The following GOSR2 variants were observed in gnomAD, a reference collection of about 807,000 sequenced individuals.
GOSR2 encodes golgi SNAP receptor complex member 2.
Under a neutral mutation model 27.9 loss-of-function variants are expected in GOSR2, and 20 were observed. The ratio of observed to expected loss-of-function variants is 0.72; its 90% CI spans 0.50 to 1.04. The LOEUF is 1.04. Among genes scored for constraint, GOSR2 ranks in the 50% least tolerant of loss-of-function variants. The probability of loss-of-function intolerance (pLI) is 0.00; values close to 1 mark genes in which losing one functional copy is unlikely to be tolerated. For missense variants in GOSR2, 261 were observed against 270.5 expected, an observed-to-expected ratio of 0.97 and a Z score of 0.25; for synonymous variants, 91 against 98.8, an observed-to-expected ratio of 0.92 and a Z score of 0.47.
chr17:46,969,809 T>C (rs1351136512), downstream of GOSR2, among the ~76,000 whole-genome samples: 1 of 152,170 alleles, frequency 6.6e-6, no homozygotes, highest in Admixed American at 6.5e-5. Flanking sequence ...TAGGAAGGCA[T>C]GAGGTCCCCC....
downstream of GOSR2, among the ~76,000 whole-genome samples, chr17:46,969,944 C>G (rs371237890): frequency 6.6e-6 from 1 of 152,120 alleles, no homozygotes; most frequent in African/African-American, 2.4e-5. Flanking sequence ...TGGTGATGTG[C>G]GGGGTGGGGG....
chr17:46,950,015 A>G (rs1248982643), intron 6 of GOSR2, among the ~76,000 whole-genome samples: 1 of 152,244 alleles, frequency 6.6e-6, no homozygotes, highest in Non-Finnish European at 1.5e-5. Flanking sequence ...AATTGGAGTG[A>G]GCAGTGTGTG....
Position 46,939,725 on chromosome 17 carries a change from C to T in GOSR2, c.*965C>T. 1.0e-6 allele frequency: 1 copy of T among 986,566 alleles called. No homozygotes were observed. Among genetic ancestry groups the T allele is most frequent in the Admixed American group, 6.1e-5 (1 of 16,494 alleles). 61.1% of individuals were successfully genotyped at this position (986,566 alleles called of 1,614,324 possible). On this transcript the variant is annotated 3_prime_UTR_variant, in exon 6 of 6. Coordinates refer to ENST00000640051, the MANE Select transcript of GOSR2 (RefSeq NM_004287.5). ...TGGGCAGATCCCACCGTGGAGACAT[C>T]TGTAGTGTGTATGTCCTTGTAACAC... is the stretch of plus-strand genomic sequence containing the variant.
intron 6 of GOSR2, among the ~76,000 whole-genome samples, chr17:46,960,648 A>G (rs1428196796): frequency 1.3e-5 from 2 of 152,252 alleles, no homozygotes; most frequent in Admixed American, 1.3e-4. Flanking sequence ...AAAACCTGTG[A>G]TACATCCATC....
chr17:46,957,348 C>CATG (rs1330574684), intron 6 of GOSR2, among the ~76,000 whole-genome samples: 6 of 152,192 alleles, frequency 3.9e-5, no homozygotes, highest in African/African-American at 1.2e-4. Flanking sequence ...CGCTGTGGCT[C>CATG]ACGCCTGTAT....
chr17:46,943,787 AAG>A (rs2089577992), downstream of GOSR2, among the ~76,000 whole-genome samples: 1 of 152,216 alleles, frequency 6.6e-6, no homozygotes, highest in African/African-American at 2.4e-5. Flanking sequence ...ACTGCAGTAA[AAG>A]AGGAGAGGCA....
At chr17:46,943,075 G>T (rs559271497), downstream of GOSR2, among the ~76,000 whole-genome samples, 5 of 152,326 alleles carry the variant, frequency 3.3e-5, no homozygotes, top group South Asian at 1.0e-3. Flanking sequence ...ATTGGGAGTT[G>T]CCCAAGGCGA....
chr17:46,936,890 G>A, intron 5 of GOSR2: 1 of 930,618 alleles, frequency 1.1e-6, no homozygotes, highest in Non-Finnish European at 1.3e-6. Flanking sequence ...TGTAGATTTT[G>A]GATTCCTGTC....
chr17:46,935,162 C>T lies in GOSR2; in HGVS notation c.470C>T (p.Thr157Ile). 1 of 1,614,044 alleles carries T rather than the reference C, an allele frequency of 6.2e-7. No homozygotes were observed. The highest frequency in any genetic ancestry group is 1.7e-4 in the Middle Eastern group (1 of 6,060). Residue 157 changes from threonine to isoleucine, a missense_variant, in exon 5 of 6, where the codon ACC (threonine) becomes ATC (isoleucine). Transcript: ENST00000640051. The part of the protein sequence containing the change: ...ILDGLRTQRL[T>I]LKGTQKKILD... ...GATGGACTGAGGACCCAGAGACTGA[C>T]CTTGAAGGTGGGGTCCCTGCTGGGG...
rs4968286 is a variant in GOSR2, at chr17:46,940,279, T to C, written c.*1519T>C. 0.48 allele frequency: 691,791 copies of C among 1,432,472 alleles called. 168,298 individuals carry two copies. Among genetic ancestry groups the C allele is most frequent in the East Asian group, 0.53 (21,262 of 39,932 alleles). 88.7% of individuals were successfully genotyped at this position (1,432,472 alleles called of 1,614,324 possible). On this transcript the variant is annotated 3_prime_UTR_variant, in exon 6 of 6. Coordinates refer to ENST00000640051, the MANE Select transcript of GOSR2 (RefSeq NM_004287.5). ...GGTTGGAGGAGATCTCCATTGTTCC[T>C]ACCCCTCCGGGCCAAATGGGCCCCA...
downstream of GOSR2, among the ~76,000 whole-genome samples, chr17:46,943,479 C>T (rs2089533356): frequency 6.6e-6 from 1 of 152,214 alleles, no homozygotes; most frequent in African/African-American, 2.4e-5. Flanking sequence ...CTCAGATGTG[C>T]CACAAACACC....
intron 6 of GOSR2, among the ~76,000 whole-genome samples, chr17:46,947,883 C>T (rs1451497205): frequency 1.3e-5 from 2 of 152,234 alleles, no homozygotes; most frequent in East Asian, 3.8e-4. Flanking sequence ...ACTCTCCTGC[C>T]TCAGCCTCCT....
intron 6 of GOSR2, among the ~76,000 whole-genome samples, chr17:46,972,511 T>G (rs1480157769): frequency 6.6e-6 from 1 of 152,222 alleles, no homozygotes; most frequent in Non-Finnish European, 1.5e-5. Context: ...AATTCAGGTT[T>G]GTCAGCCTCC....
downstream of GOSR2, among the ~76,000 whole-genome samples, chr17:46,945,823 A>C (rs1320345181): frequency 6.6e-6 from 1 of 152,168 alleles, no homozygotes; most frequent in Non-Finnish European, 1.5e-5. Flanking sequence ...CCAGGACCTC[A>C]CCAGGTGGTT....
Position 46,953,822 on chromosome 17 carries a change from C to T in GOSR2, c.584-12712C>T, listed in dbSNP as rs1020972328. Among the ~76,000 whole-genome samples the T allele has an allele frequency of 3.9e-5, 6 of 152,208 alleles. No homozygotes were observed. The East Asian group carries it at 9.6e-4, about 24-fold the overall frequency. On this transcript the variant is annotated intron_variant, in intron 6 of 6. Transcript: ENST00000573224. ...GAGCATTTTTTCATGTGTTTCTTGG[C>T]TGCATAAATGTCTTCTTTTGAGAAG...
At chr17:46,951,307 C>A (rs1308517146) in intron 6 of GOSR2, among the ~76,000 whole-genome samples, 1 of 152,182 alleles carries the variant, frequency 6.6e-6, no homozygotes, top group Non-Finnish European at 1.5e-5. Flanking sequence ...CCACAGGTTA[C>A]CCATTGGACC....
chr17:46,941,342 T>C lies in GOSR2; in HGVS notation c.*2582T>C. 2 of 984,870 alleles carry C rather than the reference T, an allele frequency of 2.0e-6. No homozygotes were observed. The highest frequency in any genetic ancestry group is 2.4e-6 in the Non-Finnish European group (2 of 829,402). 61.0% of individuals were successfully genotyped at this position (984,870 alleles called of 1,614,324 possible). A position where few individuals can be genotyped will look rare whatever the true frequency, so the allele number is the denominator to read the frequency against. ...TGGAAGCACATCAGCTGAATAAAGTTGAGGTTTATTTTATTTAGAAAATCA... is the reference window on the plus strand; with the variant it reads ...TGGAAGCACATCAGCTGAATAAAGTCGAGGTTTATTTTATTTAGAAAATCA... On this transcript the variant is annotated 3_prime_UTR_variant, in exon 6 of 6. Coordinates refer to ENST00000640051, the MANE Select transcript of GOSR2 (RefSeq NM_004287.5).
chr17:46,932,758 A>G (rs1363936317), intron 4 of GOSR2: 1 of 183,342 alleles, frequency 5.5e-6, no homozygotes, highest in African/African-American at 2.4e-5. Flanking sequence ...TTCAGAACCC[A>G]TTGTCCCTGC....
At position 46,940,583 on chromosome 17, in the gene GOSR2, C is replaced by G; in HGVS notation, c.*1823C>G. ...CCCAAGGATCCTGCCAGACAGCACA[C>G]TTTGGAGGAAGGTCTGCAGGGAGCA... is the stretch of plus-strand genomic sequence containing the variant. On this transcript the variant is annotated 3_prime_UTR_variant, in exon 6 of 6. Coordinates refer to ENST00000640051, the MANE Select transcript of GOSR2 (RefSeq NM_004287.5). 1.2e-6 allele frequency: 2 copies of G among 1,614,184 alleles called. No individual in the cohort carries two copies. Among genetic ancestry groups the G allele is most frequent in the Non-Finnish European group, 1.7e-6 (2 of 1,180,038 alleles).
Sources: allele counts gnomAD v4.1 joint callset (sites outside exome capture counted in the v4.1 genomes callset), GRCh38; gene constraint gnomAD v4.1.1; transcripts MANE v1.5; gene names NCBI Gene and HGNC (gene_info 2026-07-23, HGNC 2026-07-21).